The following ATP11C variants were observed in gnomAD, a reference collection of about 807,000 sequenced individuals.
The protein encoded by ATP11C is ATPase phospholipid transporting 11C (ATP11C blood group), also known as phospholipid-transporting ATPase IG.
In ATP11C, 36 loss-of-function variants were observed where a neutral mutation model predicts 97.4. The observed-to-expected ratio is 0.37, with a 90% CI of 0.28 to 0.49. The LOEUF is 0.49. Among genes scored for constraint, ATP11C ranks in the 20% least tolerant of loss-of-function variants. The pLI is 0.98. For missense variants in ATP11C, 730 were observed against 824.6 expected, an observed-to-expected ratio of 0.89 and a Z score of 1.40; for synonymous variants, 275 against 290.9, an observed-to-expected ratio of 0.95 and a Z score of 0.56.
intron 1 of ATP11C, among the ~76,000 whole-genome samples, chrX:139,869,744 A>G (rs955825937): frequency 3.7e-5 from 4 of 107,223 alleles, no homozygotes; most frequent in Admixed American, 1.0e-4. Flanking sequence ...CAGTGAGCTG[A>G]GATCATGCTA....
chrX:139,815,012 T>A (rs2083256652), intron 4 of ATP11C, 27 bp from the exon 5 acceptor site: 1 of 886,216 alleles, frequency 1.1e-6, no homozygotes, highest in South Asian at 2.5e-5. Context: ...ACTATATAAT[T>A]GAGTTCTGAT....
chrX:139,854,787 A>C (rs985659804), intron 1 of ATP11C, among the ~76,000 whole-genome samples: 1 of 112,312 alleles, frequency 8.9e-6, no homozygotes, highest in African/African-American at 3.2e-5. Flanking sequence ...TTTTACCTAC[A>C]TTAAAAGGTT....
At chrX:139,911,462 T>C (rs2085073592) in intron 1 of ATP11C, among the ~76,000 whole-genome samples, 1 of 111,788 alleles carries the variant, frequency 8.9e-6, no homozygotes, top group African/African-American at 3.3e-5. Flanking sequence ...AAGAAAGAAC[T>C]CAAACAATAG....
chrX:139,822,136 C>T (rs1479041712), intron 2 of ATP11C, among the ~76,000 whole-genome samples: 3 of 112,092 alleles, frequency 2.7e-5, no homozygotes, highest in Non-Finnish European at 3.8e-5. Flanking sequence ...GTTTTTTAGA[C>T]ACAATGATGA....
intron 1 of ATP11C, among the ~76,000 whole-genome samples, chrX:139,875,459 G>A (rs958792722): frequency 1.8e-5 from 2 of 108,332 alleles, no homozygotes; most frequent in East Asian, 2.9e-4. Context: ...TTAGCTGGGC[G>A]AGGTGGCACA....
chrX:139,879,748 A>G (rs2084532854), intron 1 of ATP11C, among the ~76,000 whole-genome samples: 1 of 112,411 alleles, frequency 8.9e-6, no homozygotes, highest in Admixed American at 9.5e-5. Context: ...AATACCCATT[A>G]GGGAATTTGC....
chrX:139,741,470 T>G (rs772641236), intron 26 of ATP11C, among the ~76,000 whole-genome samples: 2 of 110,504 alleles, frequency 1.8e-5, no homozygotes, highest in East Asian at 2.9e-4. Context: ...AAAGGAGACC[T>G]AGCTGGTGGG....
At chrX:139,824,548 G>A (rs1024524769) in intron 2 of ATP11C, among the ~76,000 whole-genome samples, 1 of 111,124 alleles carries the variant, frequency 9.0e-6, no homozygotes, top group Non-Finnish European at 1.9e-5. Flanking sequence ...TTAGCCGGGC[G>A]TGGTGGTGGG....
chrX:139,850,889 G>A (rs1382682261), intron 1 of ATP11C, among the ~76,000 whole-genome samples: 1 of 111,221 alleles, frequency 9.0e-6, no homozygotes, highest in Non-Finnish European at 1.9e-5. Flanking sequence ...TAGACTGGGT[G>A]ACAGAACAAG....
At chrX:139,882,869 A>G (rs761363337) in intron 1 of ATP11C, among the ~76,000 whole-genome samples, 1 of 111,552 alleles carries the variant, frequency 9.0e-6, no homozygotes, top group Non-Finnish European at 1.9e-5. Flanking sequence ...ATGGGTTCTA[A>G]GCACCCCAAG....
intron 1 of ATP11C, among the ~76,000 whole-genome samples, chrX:139,918,817 G>A (rs892400845): frequency 9.0e-6 from 1 of 111,455 alleles, no homozygotes; most frequent in African/African-American, 3.3e-5. Context: ...TTGTTTAATG[G>A]GTATGGAGTT....
intron 2 of ATP11C, among the ~76,000 whole-genome samples, chrX:139,820,279 T>C (rs2083379499): frequency 9.1e-6 from 1 of 109,797 alleles, no homozygotes; most frequent in Admixed American, 9.7e-5. Context: ...TGCACGCCTG[T>C]AGTCCCAGCT....
chrX:139,796,201 G>A, intron 12 of ATP11C, 72 bp downstream of exon 12: 1 of 808,437 alleles, frequency 1.2e-6, no homozygotes, highest in Non-Finnish European at 1.7e-6. Flanking sequence ...CACATATATT[G>A]GTAATCCAGA....
intron 18 of ATP11C, among the ~76,000 whole-genome samples, chrX:139,781,625 G>A (rs1319307237): frequency 8.9e-6 from 1 of 111,832 alleles, no homozygotes; most frequent in African/African-American, 3.3e-5. Flanking sequence ...GCTGAGGTGT[G>A]AGAATCACTT....
rs1326019066 is a variant in ATP11C at position 139,768,375 on chromosome X, A to G, written c.2276T>C (p.Ile759Thr). ...ACTAGAGTCTTGACTAGAATTTAGTATGAGTGACAATGTGGAGCCATCTAT... is the reference window on the plus strand; with the variant it reads ...ACTAGAGTCTTGACTAGAATTTAGTGTGAGTGACAATGTGGAGCCATCTAT... ...LIIDGSTLSL[I>T]LNSSQDSSSN... Residue 759 changes from isoleucine (I) to threonine (T), a missense_variant, in exon 20 of 30, where the codon ATA (isoleucine) becomes ACA (threonine). Physicochemically the swap from Ile to Thr is moderately conservative, Grantham distance 89. Coordinates refer to ENST00000682941, the MANE Select transcript of ATP11C (RefSeq NM_001353812.2). 8.6e-7 allele frequency: 1 copy of G among 1,165,507 alleles called. No homozygotes were observed. The highest frequency in any genetic ancestry group is 2.4e-5 in the Admixed American group (1 of 42,288).
At chrX:139,870,153 G>A (rs1321991626) in intron 1 of ATP11C, among the ~76,000 whole-genome samples, 5 of 111,626 alleles carry the variant, frequency 4.5e-5, no homozygotes, top group African/African-American at 1.6e-4. Flanking sequence ...ATGGGTGTAT[G>A]CATATGTACA....
rs2081480212 is a variant in ATP11C at position 139,737,984 on chromosome X, T to C, written c.3220A>G (p.Ile1074Val). 1 of 1,201,483 alleles carries C rather than the reference T, an allele frequency of 8.3e-7. No individual in the cohort carries two copies. The highest frequency in any genetic ancestry group is 1.7e-5 in the African/African-American group (1 of 57,434). The change falls in exon 28 of 30, where the codon ATA (isoleucine) becomes GTA (valine). Residue 1074 changes from isoleucine (I) to valine (V), a missense_variant. Transcript: ENST00000682941. ...ATCTCAGGGAACAGGCTGATAAATA[T>C]TAGAAGAATTATAGCCAACCATGTG... is the stretch of plus-strand genomic sequence containing the variant. Reference protein sequence around the residue: ...VSTWLAIILLIFISLFPEILL... With the variant: ...VSTWLAIILLVFISLFPEILL...
At chrX:139,828,699 A>G (rs927069128) in intron 1 of ATP11C, among the ~76,000 whole-genome samples, 10 of 112,121 alleles carry the variant, frequency 8.9e-5, no homozygotes. Flanking sequence ...CTTTTATACA[A>G]GTTCTTAGTT....
intron 1 of ATP11C, among the ~76,000 whole-genome samples, chrX:139,879,194 T>C (rs2084523813): frequency 9.0e-6 from 1 of 111,233 alleles, no homozygotes; most frequent in Admixed American, 9.6e-5. Flanking sequence ...ATAAAATCAG[T>C]ATCTTGAAGG....
Sources: gnomAD v4.1 joint callset for allele counts (sites outside exome capture counted in the v4.1 genomes callset) on GRCh38, gnomAD v4.1.1 for gene constraint, MANE v1.5 for transcripts, NCBI Gene and HGNC (gene_info 2026-07-23, HGNC 2026-07-21) for gene names.